The following SPATA17 variants were observed in gnomAD, a reference collection of about 807,000 sequenced individuals.
SPATA17 encodes spermatogenesis associated 17.
SPATA17 carries 53 observed loss-of-function variants against 62.2 expected under a neutral mutation model. The ratio of observed to expected loss-of-function variants is 0.85; its 90% confidence interval spans 0.68 to 1.07. The LOEUF (loss-of-function observed/expected upper bound fraction) is 1.07, where lower values mean the gene tolerates loss of function less well. Among genes scored for constraint, SPATA17 ranks in the 50% least tolerant of loss-of-function variants. SPATA17 has a pLI of 0.00. For synonymous variants in SPATA17, 146 were observed against 146.8 expected (o/e 0.99, Z 0.04); for missense variants, 466 against 425.5 (o/e 1.10, Z -0.84).
intron 6 of SPATA17, among the ~76,000 whole-genome samples, chr1:217,763,948 A>C (rs1171283312): frequency 6.6e-6 from 1 of 152,182 alleles, no homozygotes; most frequent in Non-Finnish European, 1.5e-5. Context: ...TTATAGAAAA[A>C]TTGATAGGAA....
chr1:217,864,563 C>T (rs9633498), intron 10 of SPATA17, among the ~76,000 whole-genome samples: 11,035 of 151,614 alleles, frequency 0.073, 422 homozygotes, highest in African/African-American at 0.099. Flanking sequence ...ACACTTGCAC[C>T]CACTATTATA....
chr1:217,730,680 G>A (rs1298669632), intron 5 of SPATA17, among the ~76,000 whole-genome samples: 1 of 152,104 alleles, frequency 6.6e-6, no homozygotes, highest in African/African-American at 2.4e-5. Context: ...TTAGTCCATG[G>A]ACTTAGCCTT....
chr1:217,840,690 C>G (rs1254385786), intron 9 of SPATA17, among the ~76,000 whole-genome samples: 1 of 151,854 alleles, frequency 6.6e-6, no homozygotes, highest in Non-Finnish European at 1.5e-5. Flanking sequence ...AAAACCCCAT[C>G]TCTACAAAAA....
intron 9 of SPATA17, among the ~76,000 whole-genome samples, chr1:217,828,931 A>G (rs1211518344): frequency 6.6e-6 from 1 of 152,162 alleles, no homozygotes; most frequent in African/African-American, 2.4e-5. Context: ...TATCAAAAAG[A>G]TAAGAGATAA....
intron 1 of SPATA17, among the ~76,000 whole-genome samples, chr1:217,640,567 T>G (rs916290269): frequency 2.0e-5 from 3 of 152,084 alleles, no homozygotes; most frequent in Admixed American, 6.6e-5. Context: ...AAGTTGTGTG[T>G]AAGAGTATTT....
In SPATA17 at chr1:217,744,244, C is replaced by T. The variant is rs1311074106; in HGVS notation, c.519+2146C>T. On this transcript the variant is annotated intron_variant, in intron 6 of 10. Coordinates refer to ENST00000366933, the MANE Select transcript of SPATA17 (RefSeq NM_138796.4). ...TTGGGAGGCCGAGGCGGGCGGATCACGAGGTCAAGAGATCGAGACCATCCC... is the reference window on the plus strand; with the variant it reads ...TTGGGAGGCCGAGGCGGGCGGATCATGAGGTCAAGAGATCGAGACCATCCC... 1.7e-4 allele frequency among the ~76,000 whole-genome samples: 8 copies of T among 47,714 alleles called. 1 individual carries two copies. The East Asian group carries it at 2.7e-3, about 16-fold the overall frequency. 31.3% of individuals were successfully genotyped at this position (47,714 alleles called of 152,430 possible).
chr1:217,825,415 T>A (rs1674969306), intron 9 of SPATA17, among the ~76,000 whole-genome samples: 1 of 151,938 alleles, frequency 6.6e-6, no homozygotes, highest in Non-Finnish European at 1.5e-5. Flanking sequence ...AAAAACTTTT[T>A]ATACAGAACA....
At chr1:217,761,750 C>G (rs1673177396) in intron 6 of SPATA17, among the ~76,000 whole-genome samples, 1 of 151,928 alleles carries the variant, frequency 6.6e-6, no homozygotes, top group Non-Finnish European at 1.5e-5. Flanking sequence ...AAATAGTGAC[C>G]TGATATTTAC....
Position 217,774,399 on chromosome 1 carries a change from G to A in SPATA17, c.585G>A (p.Lys195=). 1 of 1,614,010 alleles carries A rather than the reference G, an allele frequency of 6.2e-7. No individual in the cohort carries two copies. Among genetic ancestry groups the A allele is most frequent in the Admixed American group, 1.7e-5 (1 of 60,014 alleles). The change falls in exon 7 of 11, where the codon AAG becomes AAA. Residue 195 remains lysine (K), a synonymous_variant. Coordinates refer to ENST00000366933, the MANE Select transcript of SPATA17 (RefSeq NM_138796.4). ...ATCCATGGGAGCTGCAATTACAGAA[G>A]GCAAAGCCTTTAACACACCGAAGAC... ...EPDPWELQLQ[K]AKPLTHRRPK... is the part of the protein sequence containing the mutation.
intron 3 of SPATA17, among the ~76,000 whole-genome samples, chr1:217,660,164 C>T (rs370881884): frequency 6.6e-5 from 10 of 152,302 alleles, no homozygotes; most frequent in Middle Eastern, 6.8e-3. Context: ...TTATTTCCTA[C>T]GTATCCCTCA....
chr1:217,676,831 A>T (rs780215138), intron 4 of SPATA17, among the ~76,000 whole-genome samples: 5 of 152,154 alleles, frequency 3.3e-5, no homozygotes, highest in Non-Finnish European at 5.9e-5. Flanking sequence ...AGTTTCAAAG[A>T]TCTATGAGGA....
intron 1 of SPATA17, among the ~76,000 whole-genome samples, chr1:217,640,421 CT>C (rs1670035209): frequency 6.6e-6 from 1 of 152,100 alleles, no homozygotes; most frequent in Non-Finnish European, 1.5e-5. Flanking sequence ...ATACAGTAGT[CT>C]TTACATAACA....
chr1:217,797,073 G>A (rs1001849856), intron 8 of SPATA17, among the ~76,000 whole-genome samples: 2 of 151,840 alleles, frequency 1.3e-5, no homozygotes, highest in African/African-American at 4.8e-5. Context: ...TTCAAATATT[G>A]TTGCCAAATA....
intron 5 of SPATA17, among the ~76,000 whole-genome samples, chr1:217,733,654 A>G (rs1672446802): frequency 6.6e-6 from 1 of 152,224 alleles, no homozygotes; most frequent in African/African-American, 2.4e-5. Flanking sequence ...TACCTGCTTG[A>G]ATAAACAAAT....
chr1:217,686,357 T>C (rs1440199194), intron 5 of SPATA17, among the ~76,000 whole-genome samples: 1 of 152,178 alleles, frequency 6.6e-6, no homozygotes, highest in Non-Finnish European at 1.5e-5. Flanking sequence ...AGATAATTAT[T>C]AGTTCACTGA....
intron 6 of SPATA17, among the ~76,000 whole-genome samples, chr1:217,756,117 C>G (rs1673035368): frequency 6.6e-6 from 1 of 152,036 alleles, no homozygotes; most frequent in Non-Finnish European, 1.5e-5. Flanking sequence ...TATCGATTAA[C>G]TAATAAATGA....
intron 5 of SPATA17, among the ~76,000 whole-genome samples, chr1:217,697,068 G>A (rs992764473): frequency 6.6e-6 from 1 of 152,126 alleles, no homozygotes; most frequent in African/African-American, 2.4e-5. Flanking sequence ...GAGTGCAGTG[G>A]CAGGATCTCA....
intron 5 of SPATA17, among the ~76,000 whole-genome samples, chr1:217,698,533 A>G (rs915475158): frequency 6.6e-6 from 1 of 152,104 alleles, no homozygotes. Flanking sequence ...TTAAAAAAAA[A>G]AGTTAGCCTT....
chr1:217,811,906 T>C (rs1674600525), intron 9 of SPATA17, among the ~76,000 whole-genome samples: 10 of 152,210 alleles, frequency 6.6e-5, no homozygotes, highest in Admixed American at 6.5e-4. Flanking sequence ...TTTCTTGATA[T>C]TGGAAATTTT....
Sources: gnomAD v4.1 joint callset for allele counts (sites outside exome capture counted in the v4.1 genomes callset) on GRCh38, gnomAD v4.1.1 for gene constraint, MANE v1.5 for transcripts, NCBI Gene and HGNC (gene_info 2026-07-23, HGNC 2026-07-21) for gene names.